Variants in RBFOX1 observed in about 807,000 individuals in gnomAD.
RBFOX1 encodes RNA binding protein fox-1 homolog 1.
In RBFOX1, 8 loss-of-function variants were observed where a neutral mutation model predicts 57.7. That is an observed-to-expected ratio of 0.14 (90% CI 0.08 to 0.25). The LOEUF is 0.25. Among genes scored for constraint, RBFOX1 ranks in the 10% least tolerant of loss-of-function variants. RBFOX1 has a pLI of 1.00. For missense variants in RBFOX1, 611 were observed against 548.5 expected (o/e 1.11, Z -1.14); for synonymous variants, 326 against 222.4 (o/e 1.47, Z -4.15).
At chr16:6,226,347 T>C (rs2097417632) in intron 1 of RBFOX1, among the ~76,000 whole-genome samples, 1 of 120,946 alleles carries the variant, frequency 8.3e-6, no homozygotes, top group African/African-American at 3.1e-5. Context: ...CACTCCAGCC[T>C]CGGCAACAAG....
chr16:5,891,553 C>T (rs146375931), intron 4 of RBFOX1, among the ~76,000 whole-genome samples: 5 of 152,272 alleles, frequency 3.3e-5, no homozygotes, highest in East Asian at 1.9e-4. Flanking sequence ...CCCGAGAGCC[C>T]GCTTAATTGG....
chr16:5,406,576 TTC>T (rs201486067), intron 1 of RBFOX1, among the ~76,000 whole-genome samples: 11 of 151,764 alleles, frequency 7.2e-5, no homozygotes, highest in South Asian at 2.1e-4. Flanking sequence ...CTCTCTTTAT[TTC>T]TCTCTCTCTC....
chr16:5,271,857 T>C (rs879655733), intron 1 of RBFOX1, among the ~76,000 whole-genome samples: 5 of 152,224 alleles, frequency 3.3e-5, no homozygotes, highest in Admixed American at 1.3e-4. Flanking sequence ...GTATTTGTCT[T>C]TCTGTGCCTG....
Position 6,138,287 on chromosome 16 carries a change from C to T in RBFOX1, c.-127+118295C>T, listed in dbSNP as rs1352489920. The stretch of plus-strand genomic sequence containing the variant: ...CTCTAAATCATTTTGAACAAGGGGG[C>T]CCCATGTTTTTATTTTGTATTGGGT... On this transcript the variant is annotated intron_variant, in intron 1 of 15. Coordinates refer to ENST00000550418, the MANE Select transcript of RBFOX1 (RefSeq NM_018723.4). Among the ~76,000 whole-genome samples the T allele has an allele frequency of 4.6e-5, 7 of 152,278 alleles. No homozygotes were observed. In the East Asian group the frequency reaches 1.4e-3, roughly 29 times the overall value.
intron 4 of RBFOX1, among the ~76,000 whole-genome samples, chr16:5,952,528 C>T (rs1001973577): frequency 6.6e-6 from 1 of 152,192 alleles, no homozygotes; most frequent in Middle Eastern, 3.2e-3. Context: ...CTCAGGTGAT[C>T]TGCCCACCTT....
intron 4 of RBFOX1, among the ~76,000 whole-genome samples, chr16:7,227,704 C>G (rs948891344): frequency 3.9e-5 from 6 of 152,120 alleles, no homozygotes; most frequent in Non-Finnish European, 2.9e-5. Context: ...GTCATTTGGC[C>G]CGTCGCCCTG....
chr16:5,293,536 A>G (rs1400508818), intron 1 of RBFOX1, among the ~76,000 whole-genome samples: 1 of 152,158 alleles, frequency 6.6e-6, no homozygotes, highest in Non-Finnish European at 1.5e-5. Flanking sequence ...ACTTAGCATG[A>G]TGTTTCCAAG....
chr16:5,727,168 G>A (rs1218532208), intron 3 of RBFOX1, among the ~76,000 whole-genome samples: 1 of 152,192 alleles, frequency 6.6e-6, no homozygotes, highest in African/African-American at 2.4e-5. Flanking sequence ...TCAGGAAGCT[G>A]AGGCAGGAGA....
intron 4 of RBFOX1, among the ~76,000 whole-genome samples, chr16:7,103,727 C>G (rs944019260): frequency 2.6e-5 from 4 of 152,138 alleles, no homozygotes. Context: ...ACAGGACAAA[C>G]TAAGCAACAA....
chr16:6,574,095 G>C (rs1298835363), intron 2 of RBFOX1, among the ~76,000 whole-genome samples: 1 of 152,136 alleles, frequency 6.6e-6, no homozygotes, highest in Non-Finnish European at 1.5e-5. Flanking sequence ...TCATTCAAGC[G>C]ATGAGAGGGA....
At chr16:7,603,934 A>G (rs1286400650) in intron 9 of RBFOX1, among the ~76,000 whole-genome samples, 15 of 152,168 alleles carry the variant, frequency 9.9e-5, no homozygotes, top group Non-Finnish European at 1.5e-5. Flanking sequence ...GGGAAGGAGG[A>G]GGAAGAGGAG....
At chr16:7,062,893 A>ATTTTTTTTTT (rs1170936027) in intron 4 of RBFOX1, among the ~76,000 whole-genome samples, 16 of 47,284 alleles carry the variant, frequency 3.4e-4, no homozygotes, top group African/African-American at 1.1e-3. Context: ...AATGATCGCC[A>ATTTTTTTTTT]TTTTTTTTTT....
At chr16:7,095,691 G>C (rs775500279) in intron 4 of RBFOX1, among the ~76,000 whole-genome samples, 2 of 152,144 alleles carry the variant, frequency 1.3e-5, no homozygotes, top group African/African-American at 2.4e-5. Flanking sequence ...TTGATCACTC[G>C]ATAAGTAGCA....
chr16:5,674,148 T>G (rs1423830477), intron 3 of RBFOX1, among the ~76,000 whole-genome samples: 3 of 152,214 alleles, frequency 2.0e-5, no homozygotes, highest in Admixed American at 1.3e-4. Flanking sequence ...TTCATTGTTC[T>G]TAGGGTCTAG....
chr16:6,472,309 G>C (rs915200784), intron 2 of RBFOX1, among the ~76,000 whole-genome samples: 1 of 152,162 alleles, frequency 6.6e-6, no homozygotes. Flanking sequence ...GTATCTCTAT[G>C]GTACACGTGG....
At chr16:5,555,441 C>T (rs72763203) in intron 2 of RBFOX1, among the ~76,000 whole-genome samples, 50,547 of 151,146 alleles carry the variant, frequency 0.33, 8,790 homozygotes, top group Admixed American at 0.37. Flanking sequence ...AGTACAGACG[C>T]GGTTTCGCCA....
At chr16:6,862,455 G>T (rs2059185459) in intron 3 of RBFOX1, among the ~76,000 whole-genome samples, 1 of 152,192 alleles carries the variant, frequency 6.6e-6, no homozygotes, top group East Asian at 1.9e-4. Context: ...CAATGGCAGA[G>T]TTATTAGCAA....
chr16:6,965,288 A>G (rs181205885), intron 3 of RBFOX1, among the ~76,000 whole-genome samples: 1 of 151,154 alleles, frequency 6.6e-6, no homozygotes, highest in East Asian at 2.0e-4. Flanking sequence ...ACCAAACATA[A>G]ACAAATCCAA....
intron 2 of RBFOX1, among the ~76,000 whole-genome samples, chr16:6,556,420 T>C (rs2097099053): frequency 6.6e-6 from 1 of 152,186 alleles, no homozygotes; most frequent in African/African-American, 2.4e-5. Flanking sequence ...GAATAAATAT[T>C]GGGCACTGTC....
Sources: gnomAD v4.1 joint callset for allele counts (sites outside exome capture counted in the v4.1 genomes callset) on GRCh38, gnomAD v4.1.1 for gene constraint, MANE v1.5 for transcripts, NCBI Gene and HGNC (gene_info 2026-07-23, HGNC 2026-07-21) for gene names.